RGS6: variants seen among roughly 807,000 people sequenced by gnomAD.
RGS6 encodes the protein regulator of G protein signaling 6.
RGS6 carries 30 observed loss-of-function variants against 78.5 expected under a neutral mutation model. The ratio of observed to expected loss-of-function variants is 0.38; its 90% CI spans 0.29 to 0.52. The LOEUF (loss-of-function observed/expected upper bound fraction) is 0.52, where lower values mean the gene tolerates loss of function less well. RGS6 is among the 20% of genes least tolerant of loss of function. The pLI, the probability that RGS6 is intolerant of heterozygous loss-of-function variation, is 0.85. For synonymous variants in RGS6, 206 were observed against 206.0 expected, an observed-to-expected ratio of 1.00 and a Z score of 0.00; for missense variants, 495 against 609.7, an observed-to-expected ratio of 0.81 and a Z score of 1.98.
intron 2 of RGS6, among the ~76,000 whole-genome samples, chr14:72,300,977 G>T (rs999983907): frequency 6.6e-6 from 1 of 152,164 alleles, no homozygotes; most frequent in African/African-American, 2.4e-5. Flanking sequence ...AAGTGTTGTA[G>T]TTCGCAGAAC....
chr14:72,005,272 G>A (rs144001392), intron 2 of RGS6, among the ~76,000 whole-genome samples: 1,609 of 152,192 alleles, frequency 0.011, 31 homozygotes, highest in African/African-American at 0.037. Context: ...TTTTCCCCCT[G>A]AGTATAAGAA....
intron 2 of RGS6, among the ~76,000 whole-genome samples, chr14:72,163,882 C>CA (rs35453428): frequency 0.25 from 30,608 of 124,410 alleles, 3,692 homozygotes; most frequent in African/African-American, 0.34. Context: ...GACTCCATCT[C>CA]AAAAAAAAAA....
At chr14:72,254,077 G>A (rs847238) in intron 2 of RGS6, among the ~76,000 whole-genome samples, 149,018 of 152,340 alleles carry the variant, frequency 0.98, 72,895 homozygotes, top group East Asian at 1. Flanking sequence ...GGATTGTTCT[G>A]TTGAAACAGC....
intron 2 of RGS6, among the ~76,000 whole-genome samples, chr14:72,134,992 C>T (rs1277686529): frequency 6.6e-6 from 1 of 152,216 alleles, no homozygotes; most frequent in Non-Finnish European, 1.5e-5. Flanking sequence ...TGAATACACC[C>T]TGAAAGACTC....
chr14:72,050,532 CTT>C (rs1332728520), intron 2 of RGS6, among the ~76,000 whole-genome samples: 4 of 152,058 alleles, frequency 2.6e-5, no homozygotes, highest in Admixed American at 1.3e-4. Flanking sequence ...AAATGGTACT[CTT>C]TAGTCTTGAT....
At chr14:72,471,762 G>A (rs1453863873) in intron 8 of RGS6, among the ~76,000 whole-genome samples, 1 of 152,220 alleles carries the variant, frequency 6.6e-6, no homozygotes, top group Non-Finnish European at 1.5e-5. Flanking sequence ...GGCACTGGGT[G>A]CCCCCGAAGA....
intron 2 of RGS6, among the ~76,000 whole-genome samples, chr14:72,083,785 G>C (rs1171899377): frequency 6.6e-6 from 1 of 152,224 alleles, no homozygotes; most frequent in Non-Finnish European, 1.5e-5. Context: ...CTGTGAGGCT[G>C]TGTGTTGCTT....
chr14:71,981,590 G>C (rs2094457397), intron 2 of RGS6, among the ~76,000 whole-genome samples: 1 of 151,808 alleles, frequency 6.6e-6, no homozygotes, highest in African/African-American at 2.4e-5. Context: ...CTCCCAGTTA[G>C]GCTGCTCGGG....
At chr14:72,594,756 C>A in the RGS6 span, 10 of 152,288 alleles carry the variant, frequency 6.6e-5, no homozygotes, top group African/African-American at 1.9e-4. Flanking sequence ...ACCTCTCTTC[C>A]TTTTATTCAT....
chr14:72,320,452 C>T (rs1472299187), intron 2 of RGS6, among the ~76,000 whole-genome samples: 2 of 152,156 alleles, frequency 1.3e-5, no homozygotes, highest in East Asian at 1.9e-4. Context: ...GTGGCGGGCA[C>T]CTGTAGTCCC....
At chr14:72,535,237 G>A (rs764594739) in intron 15 of RGS6, among the ~76,000 whole-genome samples, 5 of 152,134 alleles carry the variant, frequency 3.3e-5, no homozygotes, top group South Asian at 2.1e-4. Context: ...CCTGGGAGCC[G>A]AGGAAAAGAG....
At chr14:72,424,451 C>T (rs1190663127) in intron 3 of RGS6, among the ~76,000 whole-genome samples, 1 of 152,068 alleles carries the variant, frequency 6.6e-6, no homozygotes, top group African/African-American at 2.4e-5. Flanking sequence ...GGGCAAGGGT[C>T]AGTAATTCTG....
intron 6 of RGS6, among the ~76,000 whole-genome samples, chr14:72,461,803 G>A (rs1056956977): frequency 4.6e-5 from 7 of 152,290 alleles, no homozygotes; most frequent in East Asian, 1.9e-4. Flanking sequence ...GGATCAACCC[G>A]TTCCACTAGC....
chr14:71,963,524 C>G (rs1226073960), intron 1 of RGS6, among the ~76,000 whole-genome samples: 1 of 152,170 alleles, frequency 6.6e-6, no homozygotes, highest in Non-Finnish European at 1.5e-5. Context: ...CTCCCTGCAG[C>G]TACTGGCAGC....
Position 72,410,316 on chromosome 14 carries a change from C to A in RGS6, c.185-44212C>A, listed in dbSNP as rs536728476. ...TTTTGATTTGCATTTCTCTGATGGC[C>A]AGTGATGATGAGCATTTTTTCATGT... On this transcript the variant is annotated intron_variant, in intron 3 of 17. Coordinates refer to ENST00000553525, the MANE Select transcript of RGS6 (RefSeq NM_001204424.2). Among the ~76,000 whole-genome samples the A allele has an allele frequency of 3.9e-5, 6 of 152,306 alleles. No individual in the cohort carries two copies. The East Asian group carries it at 1.2e-3, about 29-fold the overall frequency.
intron 2 of RGS6, among the ~76,000 whole-genome samples, chr14:72,127,508 A>AAT (rs1437108063): frequency 6.6e-6 from 1 of 152,210 alleles, no homozygotes; most frequent in Non-Finnish European, 1.5e-5. Flanking sequence ...AGTGTTTTCT[A>AAT]AGAGAACACG....
the RGS6 span, among the ~76,000 whole-genome samples, chr14:71,893,903 C>T: frequency 1.1e-4 from 17 of 152,298 alleles, no homozygotes; most frequent in South Asian, 2.1e-4. Flanking sequence ...GGCTGATCCT[C>T]TGTCCAGTCA....
chr14:72,342,441 A>AT (rs1236341305), intron 2 of RGS6, among the ~76,000 whole-genome samples: 1 of 151,850 alleles, frequency 6.6e-6, no homozygotes, highest in Non-Finnish European at 1.5e-5. Context: ...TGGCACACAC[A>AT]TGTAATCCCA....
rs1402062 is a variant in RGS6, at chr14:72,361,947, C to T, written c.184+9753C>T. On this transcript the variant is annotated intron_variant, in intron 3 of 17. Transcript: ENST00000553525. ...AGTGTGGGAGGGAAAATAGCCACCA[C>T]GTAAGAGGGCTGCAGGGAAGCAGGA... Among the ~76,000 whole-genome samples, 1,515 of 152,074 alleles carry T rather than the reference C, an allele frequency of 1.0e-2. 11 individuals carry two copies. The highest frequency in any genetic ancestry group is 0.017 in the Middle Eastern group (5 of 294).
Sources: gnomAD v4.1 joint callset for allele counts (sites outside exome capture counted in the v4.1 genomes callset) on GRCh38, gnomAD v4.1.1 for gene constraint, MANE v1.5 for transcripts, NCBI Gene and HGNC (gene_info 2026-07-23, HGNC 2026-07-21) for gene names.